Variants in MUSK observed in about 807,000 individuals in gnomAD.
The protein encoded by MUSK is muscle, skeletal receptor tyrosine-protein kinase.
Under a neutral mutation model 88.7 loss-of-function variants are expected in MUSK, and 55 were observed. The observed-to-expected ratio is 0.62, with a 90% CI of 0.50 to 0.78. The LOEUF is 0.78. Ranked by LOEUF, MUSK falls within the 30% of genes least tolerant of loss-of-function variation. The pLI, the probability that MUSK is intolerant of heterozygous loss-of-function variation, is 0.00. For missense variants in MUSK, 1,015 were observed against 1,074.3 expected (o/e 0.94, Z 0.77); for synonymous variants, 387 against 391.9 (o/e 0.99, Z 0.15).
In MUSK at chr9:110,802,224, T is replaced by TA. The variant is rs200617260; in HGVS notation, c.*1246dup. On this transcript the variant is annotated 3_prime_UTR_variant, in exon 15 of 15. Transcript: ENST00000374448. Reference sequence around the variant, plus strand: ...ACTGATTTTGTTGTATTTCATGATTTAAAAAAAAAAGCAGCAGCTCTGGAA... The same window carrying TA: ...ACTGATTTTGTTGTATTTCATGATTTAAAAAAAAAAAGCAGCAGCTCTGGAA... 5.5e-4 allele frequency among the ~76,000 whole-genome samples: 82 copies of TA among 148,950 alleles called. No homozygotes were observed. Among genetic ancestry groups the TA allele is most frequent in the South Asian group, 1.1e-3 (5 of 4,692 alleles).
At chr9:110,734,630 G>A (rs1399533676) in intron 6 of MUSK, among the ~76,000 whole-genome samples, 1 of 151,994 alleles carries the variant, frequency 6.6e-6, no homozygotes, top group Non-Finnish European at 1.5e-5. Context: ...AATGGGAAGT[G>A]GTAATAATAT....
At chr9:110,765,513 T>A (rs1482868123) in intron 8 of MUSK, among the ~76,000 whole-genome samples, 1 of 152,134 alleles carries the variant, frequency 6.6e-6, no homozygotes, top group African/African-American at 2.4e-5. Flanking sequence ...ATAACAAATA[T>A]GTTTGATCAC....
intron 5 of MUSK, among the ~76,000 whole-genome samples, chr9:110,703,666 A>G (rs1284968270): frequency 6.6e-6 from 1 of 152,146 alleles, no homozygotes; most frequent in Non-Finnish European, 1.5e-5. Context: ...AGATAAAGAG[A>G]TAATTCAGCC....
intron 5 of MUSK, among the ~76,000 whole-genome samples, chr9:110,702,855 T>C (rs950100092): frequency 7.2e-5 from 11 of 152,158 alleles, no homozygotes; most frequent in African/African-American, 2.7e-4. Flanking sequence ...ATTGTGCCAC[T>C]GCACTTCAGC....
chr9:110,787,979 T>A (rs753264058), intron 14 of MUSK, 141 bp downstream of exon 14: 8 of 898,292 alleles, frequency 8.9e-6, no homozygotes, highest in Admixed American at 6.0e-5. Flanking sequence ...TTCTTCACCT[T>A]GGTCTATCCC....
At chr9:110,686,316 T>C (rs2076195995) in intron 2 of MUSK, among the ~76,000 whole-genome samples, 1 of 152,054 alleles carries the variant, frequency 6.6e-6, no homozygotes, top group Admixed American at 6.6e-5. Flanking sequence ...ACCATTCGAA[T>C]AGTCCAGAAC....
intron 6 of MUSK, among the ~76,000 whole-genome samples, chr9:110,738,680 AG>A (rs1179090015): frequency 6.6e-6 from 1 of 152,130 alleles, no homozygotes; most frequent in African/African-American, 2.4e-5. Flanking sequence ...TGACCCCAGA[AG>A]GGGTGGGTGG....
At chr9:110,776,142 A>G (rs2077668642) in intron 10 of MUSK, among the ~76,000 whole-genome samples, 179 bp downstream of exon 10, 1 of 152,104 alleles carries the variant, frequency 6.6e-6, no homozygotes, top group African/African-American at 2.4e-5. Flanking sequence ...TGTACAGATT[A>G]GCGTAAAGAT....
At chr9:110,720,298 A>G (rs536854079) in intron 5 of MUSK, among the ~76,000 whole-genome samples, 1 of 152,092 alleles carries the variant, frequency 6.6e-6, no homozygotes, top group South Asian at 2.1e-4. Flanking sequence ...TAAATGAAAC[A>G]AAAAGCTGGT....
intron 2 of MUSK, 33 bp downstream of exon 2, chr9:110,682,833 T>C (rs756913078): frequency 1.3e-6 from 2 of 1,541,634 alleles, no homozygotes; most frequent in South Asian, 2.3e-5. Flanking sequence ...TTTTTAAATT[T>C]TTGTGGGTAT....
chr9:110,762,531 C>T (rs1399452430), intron 8 of MUSK, among the ~76,000 whole-genome samples: 1 of 151,764 alleles, frequency 6.6e-6, no homozygotes, highest in African/African-American at 2.4e-5. Flanking sequence ...AAGACATCCC[C>T]ATGGAATGGG....
At chr9:110,714,833 G>C (rs1376898420) in intron 5 of MUSK, among the ~76,000 whole-genome samples, 2 of 152,014 alleles carry the variant, frequency 1.3e-5, no homozygotes, top group African/African-American at 4.8e-5. Context: ...CTTCTAACAG[G>C]CATCTCCAAC....
chr9:110,698,408 T>C (rs1200214785), intron 5 of MUSK, among the ~76,000 whole-genome samples: 1 of 152,206 alleles, frequency 6.6e-6, no homozygotes, highest in Non-Finnish European at 1.5e-5. Flanking sequence ...GAGTATCACA[T>C]ACTGGCACAA....
At chr9:110,737,605 A>C (rs1472136229) in intron 6 of MUSK, among the ~76,000 whole-genome samples, 5 of 152,142 alleles carry the variant, frequency 3.3e-5, no homozygotes, top group Non-Finnish European at 5.9e-5. Flanking sequence ...CCAATCTTAT[A>C]GAATAGACTG....
At chr9:110,799,189 G>A (rs1434049167) in intron 14 of MUSK, among the ~76,000 whole-genome samples, 1 of 152,022 alleles carries the variant, frequency 6.6e-6, no homozygotes, top group Non-Finnish European at 1.5e-5. Flanking sequence ...AAATAAATAA[G>A]CCAAGATAGC....
chr9:110,763,279 G>A (rs2077428111), intron 8 of MUSK, among the ~76,000 whole-genome samples: 1 of 152,112 alleles, frequency 6.6e-6, no homozygotes, highest in African/African-American at 2.4e-5. Flanking sequence ...GTTTGTTAAT[G>A]TGGTATCAAA....
At chr9:110,763,795 G>A (rs944843752) in intron 8 of MUSK, among the ~76,000 whole-genome samples, 2 of 152,118 alleles carry the variant, frequency 1.3e-5, no homozygotes, top group African/African-American at 4.8e-5. Context: ...GAATGCCCTT[G>A]GGACAAAATA....
At chr9:110,724,566 C>T (rs1409612351) in intron 5 of MUSK, among the ~76,000 whole-genome samples, 1 of 152,018 alleles carries the variant, frequency 6.6e-6, no homozygotes, top group African/African-American at 2.4e-5. Flanking sequence ...CTCCAATCCC[C>T]CATCTCATAT....
chr9:110,673,055 G>A (rs932063996), intron 1 of MUSK, among the ~76,000 whole-genome samples: 11 of 152,306 alleles, frequency 7.2e-5, no homozygotes, highest in South Asian at 4.1e-4. Context: ...AAGTAAACAA[G>A]AGACAGTGTG....
Sources: gnomAD v4.1 joint callset for allele counts (sites outside exome capture counted in the v4.1 genomes callset) on GRCh38, gnomAD v4.1.1 for gene constraint, MANE v1.5 for transcripts, NCBI Gene and HGNC (gene_info 2026-07-23, HGNC 2026-07-21) for gene names.